The following ABI2 variants were observed in gnomAD, a reference collection of about 807,000 sequenced individuals.
ABI2 encodes abl interactor 2, also known as abelson interactor 2.
A neutral mutation model predicts 59.2 loss-of-function variants in ABI2; 25 were observed. The observed-to-expected ratio is 0.42, with a 90% CI of 0.31 to 0.59. The LOEUF (loss-of-function observed/expected upper bound fraction) is 0.59, where lower values mean the gene tolerates loss of function less well. Ranked by LOEUF, ABI2 falls within the 20% of genes least tolerant of loss-of-function variation. ABI2 has a pLI of 0.14. For missense variants in ABI2, 545 were observed against 681.8 expected, an observed-to-expected ratio of 0.80 and a Z score of 2.23; for synonymous variants, 213 against 235.5, an observed-to-expected ratio of 0.90 and a Z score of 0.87.
chr2:203,364,144 G>A (rs897820784), intron 1 of ABI2, among the ~76,000 whole-genome samples: 1 of 145,748 alleles, frequency 6.9e-6, no homozygotes, highest in African/African-American at 2.6e-5. Flanking sequence ...TCCAGGTTGG[G>A]GTGTAGTGGC....
In ABI2 at chr2:203,386,234, A is replaced by G. The variant is rs150251415; in HGVS notation, c.480+4028A>G. Among the ~76,000 whole-genome samples the G allele has an allele frequency of 6.6e-4, 101 of 152,188 alleles. 1 individual carries two copies. The highest frequency in any genetic ancestry group is 3.4e-3 in the Middle Eastern group (1 of 294). The stretch of plus-strand genomic sequence containing the variant: ...TTTTTTCCCATCCTCACTATTTCAC[A>G]TACAGACACAACCTACACACACTTC... On this transcript the variant is annotated intron_variant, in intron 4 of 11. Transcript: ENST00000261018.
At chr2:203,390,926 T>C (rs1300960033) in intron 4 of ABI2, 120 bp from the exon 5 acceptor site, 2 of 734,460 alleles carry the variant, frequency 2.7e-6, no homozygotes, top group Non-Finnish European at 4.8e-6. Context: ...GCATGGCCTC[T>C]AATTTTTTTC....
chr2:203,334,010 C>G (rs2075276704), intron 1 of ABI2, among the ~76,000 whole-genome samples: 1 of 147,636 alleles, frequency 6.8e-6, no homozygotes, highest in East Asian at 2.0e-4. Flanking sequence ...GCGTGATCTT[C>G]GCTCACTACA....
intron 1 of ABI2, among the ~76,000 whole-genome samples, chr2:203,353,052 CTG>C (rs889758537): frequency 1.6e-4 from 25 of 152,294 alleles, no homozygotes; most frequent in African/African-American, 5.8e-4. Context: ...GAAGTTTACT[CTG>C]TGATGTTTGC....
chr2:203,386,034 T>C (rs2096492233), intron 4 of ABI2, among the ~76,000 whole-genome samples: 1 of 152,232 alleles, frequency 6.6e-6, no homozygotes, highest in Non-Finnish European at 1.5e-5. Context: ...TTGATTTTCC[T>C]CAGAGGATCT....
chr2:203,404,515 A>C (rs1363398598), intron 9 of ABI2, among the ~76,000 whole-genome samples: 1 of 152,218 alleles, frequency 6.6e-6, no homozygotes, highest in African/African-American at 2.4e-5. Context: ...ACATTTGTTC[A>C]GGAGCACGGG....
intron 8 of ABI2, among the ~76,000 whole-genome samples, chr2:203,398,092 T>C (rs1049167005): frequency 3.3e-5 from 5 of 152,272 alleles, no homozygotes; most frequent in South Asian, 2.1e-4. Context: ...TTTGCTGTTA[T>C]ACATGTTAAA....
At chr2:203,399,974 A>T (rs962666361) in intron 8 of ABI2, among the ~76,000 whole-genome samples, 2 of 151,512 alleles carry the variant, frequency 1.3e-5, no homozygotes, top group Admixed American at 1.3e-4. Flanking sequence ...GTTTTCTTCT[A>T]GAAGTTTTTA....
chr2:203,396,713 C>G, intron 7 of ABI2, 72 bp from the exon 8 acceptor site: 1 of 1,418,434 alleles, frequency 7.1e-7, no homozygotes, highest in Middle Eastern at 1.9e-4. Context: ...ATTAAATACT[C>G]TAATACCTTT....
intron 2 of ABI2, among the ~76,000 whole-genome samples, chr2:203,372,220 T>A (rs1398648059): frequency 2.6e-5 from 4 of 152,152 alleles, no homozygotes; most frequent in Non-Finnish European, 4.4e-5. Flanking sequence ...ACACAGCACA[T>A]GTTTCAGAGA....
At chr2:203,358,111 G>GTGTGTGTGTGTT (rs1553548766) in intron 1 of ABI2, among the ~76,000 whole-genome samples, 1 of 109,250 alleles carries the variant, frequency 9.2e-6, no homozygotes, top group Non-Finnish European at 2.3e-5. Flanking sequence ...GTGTGTGTGT[G>GTGTGTGTGTGTT]TGTTTGTTTG....
At chr2:203,385,136 A>ATTGTTTTTTTTTTTTTTTTTTTTT (rs1231169110) in intron 4 of ABI2, among the ~76,000 whole-genome samples, 1 of 26,218 alleles carries the variant, frequency 3.8e-5, no homozygotes, top group Non-Finnish European at 1.1e-4. Context: ...CCCGGCTCAG[A>ATTGTTTTTTTTTTTTTTTTTTTTT]TTCTTTTTTT....
At chr2:203,343,155 GGAGTTT>G (rs1354113916) in intron 1 of ABI2, among the ~76,000 whole-genome samples, 1 of 152,154 alleles carries the variant, frequency 6.6e-6, no homozygotes, top group Non-Finnish European at 1.5e-5. Flanking sequence ...CGTGAGGTCA[GGAGTTT>G]GAGACCAGCC....
chr2:203,377,503 CGAA>C (rs1209582434), intron 2 of ABI2, among the ~76,000 whole-genome samples: 2 of 152,048 alleles, frequency 1.3e-5, no homozygotes, highest in Non-Finnish European at 2.9e-5. Flanking sequence ...ATTGATCTGA[CGAA>C]GACCCATTTT....
intron 1 of ABI2, among the ~76,000 whole-genome samples, chr2:203,361,732 T>TA (rs1241424784): frequency 2.6e-5 from 4 of 152,174 alleles, no homozygotes; most frequent in Admixed American, 1.3e-4. Flanking sequence ...TCTATGCAAA[T>TA]ACAGGAAAAT....
chr2:203,336,273 G>A (rs1300915260), intron 1 of ABI2, among the ~76,000 whole-genome samples: 1 of 152,226 alleles, frequency 6.6e-6, no homozygotes, highest in East Asian at 1.9e-4. Context: ...GTATACAGGT[G>A]TTGGTGCAAC....
chr2:203,374,136 G>T (rs2095514183), intron 2 of ABI2, among the ~76,000 whole-genome samples: 1 of 152,058 alleles, frequency 6.6e-6, no homozygotes, highest in African/African-American at 2.4e-5. Context: ...TCAAGCATGG[G>T]CAACAGAGTG....
At chr2:203,337,682 A>G (rs2077091975) in intron 1 of ABI2, among the ~76,000 whole-genome samples, 1 of 152,244 alleles carries the variant, frequency 6.6e-6, no homozygotes, top group Non-Finnish European at 1.5e-5. Context: ...TAGCCAAAGC[A>G]GTTTTGAATA....
In ABI2 at chr2:203,428,967, T is replaced by A. The variant is rs2098462088; in HGVS notation, c.*1615T>A. ...AAAAGTGAACAAGTGTAGTAGTGTG[T>A]GAGAAAATTCAGATGGTGTCGGATG... On this transcript the variant is annotated 3_prime_UTR_variant, in exon 12 of 12. Coordinates refer to ENST00000261018, the MANE Select transcript of ABI2 (RefSeq NM_001375670.1). The A allele has an allele frequency of 6.6e-6, 1 of 152,242 alleles. No homozygotes were observed. Among genetic ancestry groups the A allele is most frequent in the African/African-American group, 2.4e-5 (1 of 41,464 alleles). 9.4% of individuals were successfully genotyped at this position (152,242 alleles called of 1,614,324 possible).
Sources: gnomAD v4.1 joint callset for allele counts (sites outside exome capture counted in the v4.1 genomes callset) on GRCh38, gnomAD v4.1.1 for gene constraint, MANE v1.5 for transcripts, NCBI Gene and HGNC (gene_info 2026-07-23, HGNC 2026-07-21) for gene names.